Variants in CLEC16A observed in about 807,000 individuals in gnomAD.
The protein encoded by CLEC16A is C-type lectin domain containing 16A.
CLEC16A carries 51 observed loss-of-function variants against 109.5 expected under a neutral mutation model. That is an observed-to-expected ratio of 0.47 (90% confidence interval 0.37 to 0.59). CLEC16A has a LOEUF of 0.59. CLEC16A is among the 20% of genes least tolerant of loss of function. The probability of loss-of-function intolerance (pLI) is 0.00; values close to 1 mark genes in which losing one functional copy is unlikely to be tolerated. For missense variants in CLEC16A, 1,339 were observed against 1,394.0 expected (o/e 0.96, Z 0.63); for synonymous variants, 673 against 564.2 (o/e 1.19, Z -2.73).
At chr16:11,068,328 C>T (rs995128248) in intron 19 of CLEC16A, among the ~76,000 whole-genome samples, 5 of 152,160 alleles carry the variant, frequency 3.3e-5, no homozygotes, top group African/African-American at 4.8e-5. Context: ...CATTTGCAAG[C>T]GAATTTTATG....
intron 1 of CLEC16A, among the ~76,000 whole-genome samples, chr16:10,949,672 C>CAGTA: frequency 6.6e-6 from 1 of 152,290 alleles, no homozygotes; most frequent in East Asian, 1.9e-4. Context: ...TGAGTGAGAA[C>CAGTA]AGTAGGGAGC....
At chr16:11,156,918 C>CG (rs1491295981) in intron 22 of CLEC16A, among the ~76,000 whole-genome samples, 1 of 51,122 alleles carries the variant, frequency 2.0e-5, no homozygotes, top group Non-Finnish European at 3.7e-5. Flanking sequence ...CAAATGCCCG[C>CG]CCCCCCCCCC....
chr16:10,976,071 C>T (rs1317222327), intron 7 of CLEC16A, among the ~76,000 whole-genome samples: 3 of 152,100 alleles, frequency 2.0e-5, no homozygotes, highest in Non-Finnish European at 2.9e-5. Flanking sequence ...TTGAGACCAG[C>T]GTGGGCAACA....
At chr16:11,116,768 C>A (rs964967353) in intron 19 of CLEC16A, among the ~76,000 whole-genome samples, 2 of 152,198 alleles carry the variant, frequency 1.3e-5, no homozygotes, top group African/African-American at 4.8e-5. Context: ...CCATGTTACC[C>A]TTCTCCTCCC....
chr16:11,109,856 A>G (rs2051465045), intron 19 of CLEC16A, among the ~76,000 whole-genome samples: 1 of 152,226 alleles, frequency 6.6e-6, no homozygotes, highest in Non-Finnish European at 1.5e-5. Context: ...TGAACTGCTA[A>G]TTTAAACTCC....
intron 19 of CLEC16A, among the ~76,000 whole-genome samples, chr16:11,110,956 C>T (rs1263421660): frequency 1.3e-5 from 2 of 152,182 alleles, no homozygotes; most frequent in African/African-American, 4.8e-5. Flanking sequence ...TCTTCCTTCC[C>T]AGCATCTTAA....
At chr16:11,111,394 C>A (rs2051575251) in intron 19 of CLEC16A, among the ~76,000 whole-genome samples, 1 of 152,154 alleles carries the variant, frequency 6.6e-6, no homozygotes, top group Non-Finnish European at 1.5e-5. Flanking sequence ...TTCCTCACAA[C>A]ATGGTGGATA....
At chr16:11,098,833 C>T (rs1002242879) in intron 19 of CLEC16A, among the ~76,000 whole-genome samples, 11 of 152,212 alleles carry the variant, frequency 7.2e-5, no homozygotes, top group African/African-American at 2.7e-4. Context: ...CTCCACTGGG[C>T]CCAGTCCTAT....
In CLEC16A at chr16:11,174,178, G is replaced by A. The variant is rs1422540160; in HGVS notation, c.2807-4157G>A. 8.5e-6 allele frequency: 4 copies of A among 469,848 alleles called. No homozygotes were observed. The highest frequency in any genetic ancestry group is 2.0e-5 in the African/African-American group (1 of 50,090). The allele number at this position is 469,848 out of a possible 1,614,324, so 29.1% of individuals were successfully genotyped here. A position where few individuals can be genotyped will look rare whatever the true frequency, so the allele number is the denominator to read the frequency against. On this transcript the variant is annotated intron_variant, in intron 23 of 23. Coordinates refer to ENST00000409790, the MANE Select transcript of CLEC16A (RefSeq NM_015226.3). This position sits in a 1 kb window ranked among gnomAD's most constrained non-coding sequence, Gnocchi z 4.7. ...GTCAGGAGTGGCAGGAAAGGACGCC[G>A]ACGAGTGTTCAGCCTGTCGGAGGCC...
chr16:11,044,717 G>A (rs2047541268), intron 16 of CLEC16A, among the ~76,000 whole-genome samples: 2 of 151,896 alleles, frequency 1.3e-5, no homozygotes. Context: ...GATCACCTGA[G>A]GTCGGGAGTT....
chr16:11,058,836 G>A (rs1337016711), intron 18 of CLEC16A, among the ~76,000 whole-genome samples: 1 of 152,206 alleles, frequency 6.6e-6, no homozygotes, highest in Non-Finnish European at 1.5e-5. Flanking sequence ...AACCCCAAGA[G>A]GAACAGGCGT....
chr16:11,060,291 C>G (rs564072644), intron 18 of CLEC16A, among the ~76,000 whole-genome samples: 5 of 152,234 alleles, frequency 3.3e-5, no homozygotes, highest in Non-Finnish European at 4.4e-5. Context: ...AGCACACCCC[C>G]TGTCGTAAGA....
chr16:10,964,702 T>TA (rs774911522), intron 3 of CLEC16A, among the ~76,000 whole-genome samples: 2 of 152,198 alleles, frequency 1.3e-5, no homozygotes, highest in Non-Finnish European at 2.9e-5. Flanking sequence ...GATCAAAACT[T>TA]ACGGCTTTTA....
At chr16:11,130,088 C>G (rs1250923303) in intron 22 of CLEC16A, among the ~76,000 whole-genome samples, 1 of 152,194 alleles carries the variant, frequency 6.6e-6, no homozygotes, top group East Asian at 1.9e-4. Flanking sequence ...ATCCACAGCA[C>G]TGAGGTTCCT....
chr16:11,126,159 C>G lies in CLEC16A; in HGVS notation c.2641+13C>G, dbSNP rs374555825. The G allele has an allele frequency of 6.2e-7, 1 of 1,613,636 alleles. No homozygotes were observed. The highest frequency in any genetic ancestry group is 8.5e-7 in the Non-Finnish European group (1 of 1,179,872). ...GACAAGGTGCCAGGTGAGCCAGCCC[C>G]CCGCCCTGCGCCACAGCTCGTTCAT... On this transcript the variant is annotated intron_variant, in intron 22 of 23. Coordinates refer to ENST00000409790, the MANE Select transcript of CLEC16A (RefSeq NM_015226.3).
Position 11,154,076 on chromosome 16 carries a change from A to G in CLEC16A, c.2642-12312A>G, listed in dbSNP as rs563364472. ...GAGAGAGGAACACACACAGGTGTGT[A>G]CACACGCACACTCCTGCACACACAT... On this transcript the variant is annotated intron_variant, in intron 22 of 23. Transcript: ENST00000409790. 8.5e-5 allele frequency among the ~76,000 whole-genome samples: 13 copies of G among 152,356 alleles called. 1 individual carries two copies. The East Asian group carries it at 2.5e-3, about 29-fold the overall frequency.
intron 19 of CLEC16A, among the ~76,000 whole-genome samples, chr16:11,084,323 A>G (rs777792515): frequency 2.6e-5 from 4 of 152,010 alleles, no homozygotes; most frequent in Non-Finnish European, 4.4e-5. Context: ...GTGATTTTCT[A>G]TTTTTATGTG....
intron 14 of CLEC16A, chr16:11,040,109 A>C: frequency 2.1e-6 from 1 of 483,342 alleles, no homozygotes; most frequent in Non-Finnish European, 3.6e-6. Flanking sequence ...CTTGGTAACC[A>C]TCTTTCTTCT....
intron 12 of CLEC16A, chr16:11,024,559 T>C (rs1363624827): frequency 1.3e-5 from 5 of 391,574 alleles, no homozygotes; most frequent in Non-Finnish European, 1.4e-5. Context: ...ATTCCCTGTG[T>C]CTGGAATACC....
Sources: allele counts gnomAD v4.1 joint callset (sites outside exome capture counted in the v4.1 genomes callset), GRCh38; gene constraint gnomAD v4.1.1; non-coding constraint Gnocchi (gnomAD v3.1); transcripts MANE v1.5; gene names NCBI Gene and HGNC (gene_info 2026-07-23, HGNC 2026-07-21).